CLASP2: variants seen among roughly 807,000 people sequenced by gnomAD.
The protein encoded by CLASP2 is CLIP-associating protein 2.
In CLASP2, 47 loss-of-function variants were observed where a neutral mutation model predicts 194.4. The ratio of observed to expected loss-of-function variants is 0.24; its 90% CI spans 0.19 to 0.31. CLASP2 has a LOEUF of 0.31. Among genes scored for constraint, CLASP2 ranks in the 10% least tolerant of loss-of-function variants. CLASP2 has a pLI of 1.00. For missense variants in CLASP2, 1,445 were observed against 1,823.6 expected, an observed-to-expected ratio of 0.79 and a Z score of 3.78; for synonymous variants, 619 against 633.5, an observed-to-expected ratio of 0.98 and a Z score of 0.34.
chr3:33,535,582 C>A, intron 33 of CLASP2, 121 bp from the exon 34 acceptor site: 3 of 772,466 alleles, frequency 3.9e-6, no homozygotes, highest in South Asian at 2.0e-5. Flanking sequence ...CAATAACCAG[C>A]TAAAAAATTT....
Position 33,689,083 on chromosome 3 carries a change from G to A in CLASP2, c.379-715C>T, listed in dbSNP as rs557322529. ...ACAACATACACAGCCATCCTCTTTCGGTACTCAGTATTCTTTCTGGAGTCT... is the reference window on the plus strand; with the variant it reads ...ACAACATACACAGCCATCCTCTTTCAGTACTCAGTATTCTTTCTGGAGTCT... On this transcript the variant is annotated intron_variant, in intron 3 of 38. Coordinates refer to ENST00000682230, the MANE Select transcript of CLASP2 (RefSeq NM_001365631.1). Among the ~76,000 whole-genome samples the A allele has an allele frequency of 2.6e-5, 4 of 151,386 alleles. No individual in the cohort carries two copies. The South Asian group carries it at 6.3e-4, about 24-fold the overall frequency.
At position 33,632,355 on chromosome 3, in the gene CLASP2, T is replaced by C; in HGVS notation, c.879A>G (p.Gly293=). 6.2e-7 allele frequency: 1 copy of C among 1,601,326 alleles called. No individual in the cohort carries two copies. The highest frequency in any genetic ancestry group is 1.7e-5 in the Admixed American group (1 of 58,324). The stretch of plus-strand genomic sequence containing the variant: ...CATCTTCATCAACTGCTCCAGCACC[T>C]CCTTCCTTAGAAGCACCTGCTAATT... The part of the protein sequence containing the change: ...GPKVGGASKE[G]GAGAVDEDDF... Residue 293 remains glycine (G), a synonymous_variant, in exon 9 of 39, where the codon GGA becomes GGG. Transcript: ENST00000682230.
intron 6 of CLASP2, among the ~76,000 whole-genome samples, chr3:33,681,864 A>G (rs2089909490): frequency 6.6e-6 from 1 of 152,094 alleles, no homozygotes; most frequent in African/African-American, 2.4e-5. Flanking sequence ...TGAATAGATT[A>G]ATGTCCTGTC....
intron 7 of CLASP2, among the ~76,000 whole-genome samples, chr3:33,649,970 T>G (rs1008511215): frequency 6.6e-6 from 1 of 152,020 alleles, no homozygotes; most frequent in South Asian, 2.1e-4. Context: ...CCTCAAATTA[T>G]TCCCACAAAT....
chr3:33,546,677 G>T (rs1396042466), intron 30 of CLASP2, among the ~76,000 whole-genome samples: 1 of 152,122 alleles, frequency 6.6e-6, no homozygotes. Flanking sequence ...TCTTACAATA[G>T]ATGAGGACTT....
At chr3:33,547,310 T>G (rs72854341) in intron 30 of CLASP2, among the ~76,000 whole-genome samples, 2,495 of 152,320 alleles carry the variant, frequency 0.016, 63 homozygotes, top group African/African-American at 0.056. Flanking sequence ...ACTTGGCTCA[T>G]TCTCCCTCTC....
intron 8 of CLASP2, among the ~76,000 whole-genome samples, chr3:33,636,111 G>A (rs775125777): frequency 3.9e-5 from 6 of 151,998 alleles, no homozygotes; most frequent in Non-Finnish European, 8.8e-5. Flanking sequence ...GAATCCTGGT[G>A]GATAAAGAAA....
intron 12 of CLASP2, among the ~76,000 whole-genome samples, chr3:33,617,951 A>ATT (rs34651802): frequency 6.2e-3 from 724 of 116,516 alleles, no homozygotes; most frequent in Middle Eastern, 0.014. Context: ...ATATATATAT[A>ATT]TTTTTTTTTT....
intron 37 of CLASP2, chr3:33,502,923 G>A (rs950053572): frequency 6.6e-6 from 1 of 151,990 alleles, no homozygotes; most frequent in East Asian, 1.9e-4. Flanking sequence ...AATGATATGA[G>A]GCATTCATTT....
chr3:33,511,028 G>GTTT (rs1559793135), intron 36 of CLASP2, among the ~76,000 whole-genome samples: 1 of 141,170 alleles, frequency 7.1e-6, no homozygotes, highest in African/African-American at 2.7e-5. Context: ...GTTGGCTAAA[G>GTTT]TATTTTTTTT....
intron 34 of CLASP2, among the ~76,000 whole-genome samples, chr3:33,530,208 G>A (rs1322291440): frequency 6.6e-6 from 1 of 152,062 alleles, no homozygotes; most frequent in Non-Finnish European, 1.5e-5. Flanking sequence ...GCATGGTGGT[G>A]CATGCCTTGT....
intron 7 of CLASP2, among the ~76,000 whole-genome samples, chr3:33,656,988 A>G (rs2084350261): frequency 6.6e-6 from 1 of 152,154 alleles, no homozygotes; most frequent in East Asian, 1.9e-4. Context: ...CGTATTAATA[A>G]AAGTGTTCTC....
chr3:33,685,260 T>C (rs1360057259), intron 5 of CLASP2, among the ~76,000 whole-genome samples: 2 of 142,012 alleles, frequency 1.4e-5, no homozygotes, highest in African/African-American at 5.2e-5. Context: ...GAGAATCGCT[T>C]GAACCAGGGA....
At chr3:33,567,347 C>G (rs1488778830) in intron 26 of CLASP2, among the ~76,000 whole-genome samples, 1 of 152,216 alleles carries the variant, frequency 6.6e-6, no homozygotes, top group Non-Finnish European at 1.5e-5. Flanking sequence ...TCAGGAGATT[C>G]AACTGTGCCT....
Position 33,718,016 on chromosome 3 carries a change from C to G in CLASP2, c.-14G>C, listed in dbSNP as rs1009943430. The G allele has an allele frequency of 1.0e-4, 150 of 1,459,930 alleles. No individual in the cohort carries two copies. In the African/African-American group the frequency reaches 1.8e-3, roughly 18 times the overall value. The allele number at this position is 1,459,930 out of a possible 1,614,324, so 90.4% of individuals were successfully genotyped here. ...GCGGGGCTCCATGGCTGCGGCCGCCCGCCCGCCTGCCAGTCTGTGAGCGGC... is the reference window on the plus strand; with the variant it reads ...GCGGGGCTCCATGGCTGCGGCCGCCGGCCCGCCTGCCAGTCTGTGAGCGGC... On this transcript the variant is annotated 5_prime_UTR_variant, in exon 1 of 39. Coordinates refer to ENST00000682230, the MANE Select transcript of CLASP2 (RefSeq NM_001365631.1).
At chr3:33,632,717 T>C (rs928526672) in intron 8 of CLASP2, among the ~76,000 whole-genome samples, 1 of 152,172 alleles carries the variant, frequency 6.6e-6, no homozygotes, top group Non-Finnish European at 1.5e-5. Flanking sequence ...TGACACTAAA[T>C]GTCAATAAAT....
At chr3:33,576,474 G>T (rs1330123823) in intron 23 of CLASP2, 199 bp from the exon 24 acceptor site, 5 of 522,570 alleles carry the variant, frequency 9.6e-6, no homozygotes, top group Non-Finnish European at 1.7e-5. Context: ...TACTGACAAT[G>T]TGTGAAAAAT....
Position 33,576,284 on chromosome 3 carries a change from T to C in CLASP2, c.2348-9A>G. The stretch of plus-strand genomic sequence containing the variant: ...GATCCCATAACCTGGACCTAATTCA[T>C]CAAAAGAAGGAAAATAGATTTGAAG... On this transcript the variant is annotated splice_polypyrimidine_tract_variant and intron_variant, in intron 23 of 38. Coordinates refer to ENST00000682230, the MANE Select transcript of CLASP2 (RefSeq NM_001365631.1). 2 of 1,604,558 alleles carry C rather than the reference T, an allele frequency of 1.2e-6. No individual in the cohort carries two copies. Among genetic ancestry groups the C allele is most frequent in the Non-Finnish European group, 1.7e-6 (2 of 1,172,016 alleles).
intron 6 of CLASP2, among the ~76,000 whole-genome samples, chr3:33,677,139 A>G (rs1381193411): frequency 2.6e-5 from 4 of 152,118 alleles, no homozygotes; most frequent in African/African-American, 7.2e-5. Flanking sequence ...TGTGGAAGTC[A>G]GTGTGGCGAT....
Sources: gnomAD v4.1 joint callset for allele counts (sites outside exome capture counted in the v4.1 genomes callset) on GRCh38, gnomAD v4.1.1 for gene constraint, MANE v1.5 for transcripts, NCBI Gene and HGNC (gene_info 2026-07-23, HGNC 2026-07-21) for gene names.